Variants in GNS observed in about 807,000 individuals in gnomAD.
GNS encodes glucosamine (N-acetyl)-6-sulfatase, also known as N-acetylglucosamine-6-sulfatase.
In GNS, 40 loss-of-function variants were observed where a neutral mutation model predicts 69.7. That is an observed-to-expected ratio of 0.57 (90% confidence interval 0.45 to 0.75). The LOEUF (loss-of-function observed/expected upper bound fraction) is 0.75. Ranked by LOEUF, GNS falls within the 30% of genes least tolerant of loss-of-function variation. GNS has a pLI of 0.00. For missense variants in GNS, 565 were observed against 685.5 expected, an observed-to-expected ratio of 0.82 and a Z score of 1.96; for synonymous variants, 243 against 251.6, an observed-to-expected ratio of 0.97 and a Z score of 0.32.
At chr12:64,725,204 A>C (rs974390432) in intron 10 of GNS, among the ~76,000 whole-genome samples, 6 of 152,186 alleles carry the variant, frequency 3.9e-5, no homozygotes, top group African/African-American at 1.4e-4. Flanking sequence ...GGAGTTGTTA[A>C]ACTTTTTTTG....
At chr12:64,719,799 G>A (rs1782479300) in intron 13 of GNS, among the ~76,000 whole-genome samples, 2 of 152,176 alleles carry the variant, frequency 1.3e-5, no homozygotes, top group African/African-American at 4.8e-5. Context: ...GTTTGGTGGG[G>A]AGCAGGGCTG....
At chr12:64,753,764 T>C (rs368997799) in intron 1 of GNS, among the ~76,000 whole-genome samples, 2 of 152,180 alleles carry the variant, frequency 1.3e-5, no homozygotes, top group Non-Finnish European at 2.9e-5. Flanking sequence ...AGGATGAGGA[T>C]TCTAACTTAT....
chr12:64,724,985 T>C (rs1869150580), intron 10 of GNS, among the ~76,000 whole-genome samples: 1 of 152,170 alleles, frequency 6.6e-6, no homozygotes. Context: ...TGTCAAAGTG[T>C]CCAGAGGAGA....
At chr12:64,735,280 G>A (rs1169709142) in intron 9 of GNS, among the ~76,000 whole-genome samples, 1 of 152,182 alleles carries the variant, frequency 6.6e-6, no homozygotes, top group African/African-American at 2.4e-5. Flanking sequence ...CAGTTCAAAT[G>A]CAGGGCTCTG....
chr12:64,742,083 C>G (rs142199899), intron 6 of GNS, among the ~76,000 whole-genome samples: 3 of 151,940 alleles, frequency 2.0e-5, no homozygotes, highest in Non-Finnish European at 4.4e-5. Context: ...TGCAGTGGTG[C>G]GATCTCGGCT....
In GNS at chr12:64,747,698, A is replaced by G. The variant is rs78614637; in HGVS notation, c.459+14T>C. Reference sequence around the variant, plus strand: ...AAAGCCATTATAAAAAAAGAAACAGATCATTCAACATACCTCATTTAAATA... The same window carrying G: ...AAAGCCATTATAAAAAAAGAAACAGGTCATTCAACATACCTCATTTAAATA... On this transcript the variant is annotated intron_variant, in intron 3 of 13. Coordinates refer to ENST00000258145, the MANE Select transcript of GNS (RefSeq NM_002076.4). The G allele has an allele frequency of 3.2e-3, 4,292 of 1,353,782 alleles. 120 individuals are homozygous for G. The African/African-American group carries it at 0.053, about 17-fold the overall frequency. 83.9% of individuals were successfully genotyped at this position (1,353,782 alleles called of 1,614,324 possible).
In GNS at chr12:64,714,860, A is replaced by C. The variant is rs1319119341; in HGVS notation, c.*1881T>G. The C allele has an allele frequency of 6.6e-6, 1 of 152,638 alleles. No homozygotes were observed. 9.5% of individuals were successfully genotyped at this position (152,638 alleles called of 1,614,324 possible). A position where few individuals can be genotyped will look rare whatever the true frequency, so the allele number is the denominator to read the frequency against. ...CATATTCAACAGTGCTTTCAGTTAC[A>C]ACATTTTTTGAATTTCCTTCTCTAA... On this transcript the variant is annotated 3_prime_UTR_variant, in exon 14 of 14. Coordinates refer to ENST00000258145, the MANE Select transcript of GNS (RefSeq NM_002076.4).
At position 64,759,358 on chromosome 12, in the gene GNS, C is replaced by T; in HGVS notation, c.-82G>A. The T allele has an allele frequency of 1.0e-6, 1 of 954,736 alleles. No homozygotes were observed. Among genetic ancestry groups the T allele is most frequent in the East Asian group, 2.7e-5 (1 of 37,626 alleles). 59.1% of individuals were successfully genotyped at this position (954,736 alleles called of 1,614,324 possible). On this transcript the variant is annotated 5_prime_UTR_variant, in exon 1 of 14. Transcript: ENST00000258145. ...AGCTGAAGGGCGAGAGGCCGACCAGCCGAAGGAATAAAAAGCCGTGCCTTG... is the reference window on the plus strand; with the variant it reads ...AGCTGAAGGGCGAGAGGCCGACCAGTCGAAGGAATAAAAAGCCGTGCCTTG...
At chr12:64,729,323 G>T in intron 9 of GNS, 2 of 417,164 alleles carry the variant, frequency 4.8e-6, no homozygotes, top group East Asian at 8.1e-5. Flanking sequence ...TGATCAAAAT[G>T]TTTTTTGAAA....
chr12:64,727,379 T>TG (rs148825586), intron 10 of GNS, among the ~76,000 whole-genome samples: 94,167 of 151,492 alleles, frequency 0.62, 29,625 homozygotes, highest in East Asian at 0.88. Flanking sequence ...GAGGCTGCAG[T>TG]GAGCTGTGAT....
chr12:64,754,767 T>C (rs563517592), intron 1 of GNS, among the ~76,000 whole-genome samples: 1 of 152,044 alleles, frequency 6.6e-6, no homozygotes, highest in Non-Finnish European at 1.5e-5. Flanking sequence ...TGCATGCCCG[T>C]AGTCCCAGCT....
chr12:64,747,679 A>T, intron 3 of GNS, 33 bp downstream of exon 3: 1 of 1,100,972 alleles, frequency 9.1e-7, no homozygotes. Context: ...TTTAAAAGCC[A>T]TTATAAAAAA....
intron 1 of GNS, among the ~76,000 whole-genome samples, chr12:64,755,439 G>A (rs143374927): frequency 7.8e-4 from 118 of 151,662 alleles, no homozygotes; most frequent in African/African-American, 2.6e-3. Context: ...TTAGCCGGGC[G>A]TGGTGGTGGG....
At chr12:64,727,805 C>T (rs1449769318) in intron 10 of GNS, among the ~76,000 whole-genome samples, 1 of 152,092 alleles carries the variant, frequency 6.6e-6, no homozygotes, top group East Asian at 1.9e-4. Flanking sequence ...CAGTTTTCTC[C>T]TATTAGAGTG....
intron 1 of GNS, among the ~76,000 whole-genome samples, chr12:64,753,123 T>C (rs1401969439): frequency 1.3e-5 from 2 of 152,206 alleles, no homozygotes; most frequent in Middle Eastern, 3.4e-3. Context: ...TTCCGCCCTA[T>C]AGAACAGAAG....
chr12:64,753,899 C>T (rs1425871363), intron 1 of GNS, among the ~76,000 whole-genome samples: 3 of 152,154 alleles, frequency 2.0e-5, no homozygotes, highest in Non-Finnish European at 2.9e-5. Flanking sequence ...CTCAAAGCAT[C>T]ACTGGGTACC....
intron 2 of GNS, among the ~76,000 whole-genome samples, chr12:64,748,971 G>A (rs1284125121): frequency 1.3e-5 from 2 of 151,984 alleles, no homozygotes; most frequent in African/African-American, 2.4e-5. Context: ...ATGGAGTCTC[G>A]CTGTGTCACG....
In GNS at chr12:64,743,201, G is replaced by A; in HGVS notation, c.732C>T (p.Tyr244=). Residue 244 remains tyrosine, a synonymous_variant, in exon 6 of 14, where the codon TAC becomes TAT. Transcript: ENST00000258145. ...CAAAGACATTCTGGAAAGCCTTCTG[G>A]TACTGAGGTGCAGCTGTCCAAGGCG... ...PHSPWTAAPQ[Y]QKAFQNVFAP... 1.2e-6 allele frequency: 2 copies of A among 1,613,066 alleles called. No individual in the cohort carries two copies. Among genetic ancestry groups the A allele is most frequent in the Non-Finnish European group, 1.7e-6 (2 of 1,179,042 alleles).
chr12:64,732,683 G>C (rs1021734867), intron 9 of GNS, among the ~76,000 whole-genome samples: 1 of 151,560 alleles, frequency 6.6e-6, no homozygotes, highest in Non-Finnish European at 1.5e-5. Flanking sequence ...GGATGGTCTC[G>C]ATCTCCTGAC....
Sources: gnomAD v4.1 joint callset for allele counts (sites outside exome capture counted in the v4.1 genomes callset) on GRCh38, gnomAD v4.1.1 for gene constraint, MANE v1.5 for transcripts, NCBI Gene and HGNC (gene_info 2026-07-23, HGNC 2026-07-21) for gene names.